The following TMEM254 variants were observed in gnomAD, a reference collection of about 807,000 sequenced individuals.
TMEM254 encodes transmembrane protein C10orf57.
In TMEM254, 16 loss-of-function variants were observed where a neutral mutation model predicts 13.9. That is an observed-to-expected ratio of 1.15 (90% CI 0.78 to 1.75). The LOEUF (loss-of-function observed/expected upper bound fraction) is 1.75. Ranked by LOEUF, TMEM254 falls within the 40% of genes most tolerant of loss-of-function variation. TMEM254 has a pLI of 0.00. For missense variants in TMEM254, 155 were observed against 149.0 expected, an observed-to-expected ratio of 1.04 and a Z score of -0.21; for synonymous variants, 61 against 56.4, an observed-to-expected ratio of 1.08 and a Z score of -0.36.
intron 1 of TMEM254, among the ~76,000 whole-genome samples, chr10:80,080,706 A>G (rs1843955771): frequency 6.6e-6 from 1 of 152,164 alleles, no homozygotes; most frequent in Non-Finnish European, 1.5e-5. Context: ...TGGGAGGCCG[A>G]GGCGGGCAAA....
rs188823490 is a variant in TMEM254 at position 80,091,706 on chromosome 10, C to G, written c.*789C>G. On this transcript the variant is annotated 3_prime_UTR_variant, in exon 4 of 4. Coordinates refer to ENST00000372281, the MANE Select transcript of TMEM254 (RefSeq NM_025125.4). ...CTTTACCTTTCCCCTCAGCACCTGT[C>G]CCACTATCTTGCACACAGGTGCTCT... The G allele has an allele frequency of 3.3e-5, 5 of 152,400 alleles. No homozygotes were observed. Among genetic ancestry groups the G allele is most frequent in the African/African-American group, 1.2e-4 (5 of 41,600 alleles). The allele number at this position is 152,400 out of a possible 1,614,324, so 9.4% of individuals were successfully genotyped here.
intron 3 of TMEM254, 66 bp from the exon 4 acceptor site, chr10:80,090,731 G>A: frequency 4.0e-6 from 6 of 1,491,264 alleles, no homozygotes; most frequent in South Asian, 1.3e-5. Flanking sequence ...ATATATAGAA[G>A]ACAATAACTC....
intron 3 of TMEM254, among the ~76,000 whole-genome samples, chr10:80,083,992 C>T (rs561835450): frequency 3.2e-4 from 49 of 152,030 alleles, no homozygotes; most frequent in East Asian, 2.3e-3. Context: ...GGCTGAGGCA[C>T]GAGAATCGCT....
intron 3 of TMEM254, among the ~76,000 whole-genome samples, chr10:80,085,711 C>G (rs1844282492): frequency 6.6e-6 from 1 of 152,116 alleles, no homozygotes; most frequent in African/African-American, 2.4e-5. Context: ...TTCAACTCTT[C>G]TTTGAAAGGT....
At chr10:80,088,496 T>C (rs1187045922) in intron 3 of TMEM254, among the ~76,000 whole-genome samples, 1 of 151,948 alleles carries the variant, frequency 6.6e-6, no homozygotes, top group Non-Finnish European at 1.5e-5. Context: ...TATTGAGTCT[T>C]CTAAATGATG....
chr10:80,079,106 C>A, intron 1 of TMEM254: 1 of 1,361,054 alleles, frequency 7.3e-7, no homozygotes, highest in Non-Finnish European at 9.7e-7. Context: ...CGGAGGCCAG[C>A]AATGCGGCTA....
intron 3 of TMEM254, among the ~76,000 whole-genome samples, chr10:80,088,908 GTTGTTT>G (rs1844446514): frequency 6.6e-6 from 1 of 151,114 alleles, no homozygotes; most frequent in Non-Finnish European, 1.5e-5. Context: ...AACTTTTGTT[GTTGTTT>G]TTGTTTTTGT....
Position 80,090,847 on chromosome 10 carries a change from CTT to C in TMEM254, c.304_305del (p.Phe102LeufsTer43), listed in dbSNP as rs1290548588. 2 of 1,614,048 alleles carry C rather than the reference CTT, an allele frequency of 1.2e-6. No individual in the cohort carries two copies. Among genetic ancestry groups the C allele is most frequent in the East Asian group, 4.5e-5 (2 of 44,878 alleles). ...GCTCAGCTACTCTGGTTCCTACAGA[CTT>C]TCTTCTTTGGGATAGCGTCTCTCAC... On this transcript the variant is annotated frameshift_variant, in exon 4 of 4. Transcript: ENST00000372281. LOFTEE classifies it high-confidence loss of function.
At chr10:80,080,498 C>T (rs1843940520) in intron 1 of TMEM254, among the ~76,000 whole-genome samples, 1 of 152,016 alleles carries the variant, frequency 6.6e-6, no homozygotes, top group African/African-American at 2.4e-5. Flanking sequence ...CAGTTTTAGC[C>T]GTACAAAAAG....
At chr10:80,084,490 A>G (rs978039732) in intron 3 of TMEM254, among the ~76,000 whole-genome samples, 4 of 152,198 alleles carry the variant, frequency 2.6e-5, no homozygotes, top group Non-Finnish European at 4.4e-5. Context: ...TGCAGTTATC[A>G]GTGTGGCGGT....
chr10:80,080,122 G>A (rs767048396), intron 1 of TMEM254, among the ~76,000 whole-genome samples: 6 of 152,178 alleles, frequency 3.9e-5, no homozygotes, highest in Non-Finnish European at 8.8e-5. Flanking sequence ...CTACGATTTA[G>A]TGTCTGTGAC....
intron 1 of TMEM254, among the ~76,000 whole-genome samples, chr10:80,080,876 T>G (rs1346891733): frequency 6.6e-6 from 1 of 152,080 alleles, no homozygotes; most frequent in Non-Finnish European, 1.5e-5. Flanking sequence ...TGTCAGGAGT[T>G]GGAGATCAGC....
chr10:80,090,359 A>G (rs1844521039), intron 3 of TMEM254: 8 of 717,342 alleles, frequency 1.1e-5, no homozygotes, highest in South Asian at 3.0e-5. Context: ...TGAGATAGCT[A>G]CTGCTGTTCC....
At chr10:80,082,335 TGATACTGAGCCTGGAGCAGAGGCA>T in intron 3 of TMEM254, 131 bp downstream of exon 3, 1 of 1,005,720 alleles carries the variant, frequency 9.9e-7, no homozygotes, top group East Asian at 2.4e-5. Context: ...TCCCCATGCC[TGATACTGAGCCTGGAGCAGAGGCA>T]GTACCCAGTA....
intron 1 of TMEM254, 25 bp from the exon 2 acceptor site, chr10:80,081,816 T>C (rs1844044658): frequency 1.9e-6 from 3 of 1,613,944 alleles, no homozygotes; most frequent in Non-Finnish European, 2.5e-6. Context: ...CTAATAGGTA[T>C]TCTGTGTCTC....
At position 80,078,727 on chromosome 10, in the gene TMEM254, T is replaced by C. The variant is rs1843777070; in HGVS notation, c.28T>C (p.Phe10Leu). MATAAGATY[F>L]QRGSLFWFTV... ...GGCTACGGCAGCCGGCGCGACCTACTTTCAGCGAGGCAGTCTGTTCTGGTT... is the reference window on the plus strand; with the variant it reads ...GGCTACGGCAGCCGGCGCGACCTACCTTCAGCGAGGCAGTCTGTTCTGGTT... The change falls in exon 1 of 4, where the codon TTT (phenylalanine) becomes CTT (leucine). Residue 10 changes from phenylalanine to leucine, a missense_variant. Physicochemically the swap from Phe to Leu is conservative, Grantham distance 22. Coordinates refer to ENST00000372281, the MANE Select transcript of TMEM254 (RefSeq NM_025125.4). 1.2e-6 allele frequency: 2 copies of C among 1,607,448 alleles called. No individual in the cohort carries two copies. The highest frequency in any genetic ancestry group is 2.7e-5 in the African/African-American group (2 of 74,816).
At chr10:80,079,506 A>G (rs1383487737) in intron 1 of TMEM254, 1 of 1,016,202 alleles carries the variant, frequency 9.8e-7, no homozygotes, top group African/African-American at 1.7e-5. Flanking sequence ...GCCAATAGGA[A>G]TTGTTTGGAA....
intron 3 of TMEM254, chr10:80,086,343 A>G: frequency 3.9e-6 from 4 of 1,032,370 alleles, no homozygotes; most frequent in Non-Finnish European, 5.3e-6. Flanking sequence ...CTTCTGAAGG[A>G]GGAGGAAACA....
chr10:80,089,743 C>T (rs1326801608), intron 3 of TMEM254, among the ~76,000 whole-genome samples: 1 of 151,990 alleles, frequency 6.6e-6, no homozygotes, highest in Admixed American at 6.6e-5. Context: ...GTGGCTCACG[C>T]CTGTAATACC....
Sources: gnomAD v4.1 joint callset for allele counts (sites outside exome capture counted in the v4.1 genomes callset) on GRCh38, gnomAD v4.1.1 for gene constraint, MANE v1.5 for transcripts, NCBI Gene and HGNC (gene_info 2026-07-23, HGNC 2026-07-21) for gene names.